The following WDFY3 variants were observed in gnomAD, a reference collection of about 807,000 sequenced individuals.
WDFY3 encodes the protein WD repeat and FYVE domain-containing protein 3.
Under a neutral mutation model 409.6 loss-of-function variants are expected in WDFY3, and 66 were observed. That is an observed-to-expected ratio of 0.16 (90% CI 0.13 to 0.20). The LOEUF (loss-of-function observed/expected upper bound fraction) is 0.20. Ranked by LOEUF, WDFY3 falls within the 10% of genes least tolerant of loss-of-function variation. WDFY3 has a pLI of 1.00. For synonymous variants in WDFY3, 1,521 were observed against 1,537.1 expected (o/e 0.99, Z 0.25); for missense variants, 3,031 against 4,298.1 (o/e 0.71, Z 8.24).
At position 84,708,960 on chromosome 4, in the gene WDFY3, A is replaced by G. The variant is rs1460442359; in HGVS notation, c.8166T>C (p.Asp2722=). The G allele has an allele frequency of 3.1e-6, 5 of 1,614,022 alleles. No homozygotes were observed. Among genetic ancestry groups the G allele is most frequent in the Non-Finnish European group, 4.2e-6 (5 of 1,179,990 alleles). ...AGGGGAAGACAGGATACTGCATGAG[A>G]TCATTATATGATCTGCCAGCCAAAG... ...LNTLAGRSYN[D]LMQYPVFPWI... The change falls in exon 53 of 68, where the codon GAT becomes GAC. Residue 2722 remains aspartate (D), a synonymous_variant. Coordinates refer to ENST00000295888, the MANE Select transcript of WDFY3 (RefSeq NM_014991.6).
chr4:84,765,787 A>G (rs1384883290), intron 32 of WDFY3, 23 bp downstream of exon 32: 3 of 1,601,424 alleles, frequency 1.9e-6, no homozygotes, highest in Non-Finnish European at 2.6e-6. Flanking sequence ...ATTTTCAAGC[A>G]GCTGACTAGA....
At chr4:84,841,362 A>T in intron 5 of WDFY3, 99 bp from the exon 6 acceptor site, 1 of 954,220 alleles carries the variant, frequency 1.0e-6, no homozygotes, top group Non-Finnish European at 1.6e-6. Context: ...TACTAAGCAC[A>T]TAATTATATC....
At chr4:84,714,958 A>G (rs1034835933) in intron 50 of WDFY3, among the ~76,000 whole-genome samples, 2 of 151,956 alleles carry the variant, frequency 1.3e-5, no homozygotes, top group Admixed American at 6.6e-5. Flanking sequence ...TCAAAAAAAA[A>G]AAAAAAGAAG....
intron 3 of WDFY3, among the ~76,000 whole-genome samples, chr4:84,882,593 A>G (rs1763684124): frequency 6.6e-6 from 1 of 152,186 alleles, no homozygotes; most frequent in Non-Finnish European, 1.5e-5. Flanking sequence ...AGATTAGGAA[A>G]CTTATGAAAT....
chr4:84,924,260 G>C (rs1769687178), intron 2 of WDFY3, among the ~76,000 whole-genome samples: 1 of 152,144 alleles, frequency 6.6e-6, no homozygotes, highest in South Asian at 2.1e-4. Context: ...ATATTTCTTA[G>C]GATACTATCA....
intron 7 of WDFY3, among the ~76,000 whole-genome samples, chr4:84,834,280 T>C (rs532824356): frequency 2.6e-5 from 4 of 152,380 alleles, no homozygotes; most frequent in Admixed American, 2.0e-4. Flanking sequence ...TTCATCTTTA[T>C]AGGCAGAAGG....
At chr4:84,698,661 C>T (rs1045895173) in intron 56 of WDFY3, among the ~76,000 whole-genome samples, 1 of 151,402 alleles carries the variant, frequency 6.6e-6, no homozygotes, top group Non-Finnish European at 1.5e-5. Context: ...TATCTCATAG[C>T]AAGGGGAAAA....
chr4:84,698,607 A>G (rs903170612), intron 56 of WDFY3, among the ~76,000 whole-genome samples: 3 of 152,144 alleles, frequency 2.0e-5, no homozygotes, highest in Non-Finnish European at 2.9e-5. Flanking sequence ...CTCCATGTGT[A>G]TCCAAGGATG....
chr4:84,834,395 C>A (rs1467347672), intron 7 of WDFY3, among the ~76,000 whole-genome samples: 1 of 152,032 alleles, frequency 6.6e-6, no homozygotes, highest in Non-Finnish European at 1.5e-5. Flanking sequence ...GCCTGTAATC[C>A]CAGCACTTTG....
At chr4:84,684,256 G>A in intron 62 of WDFY3, 131 bp from the exon 63 acceptor site, 1 of 803,176 alleles carries the variant, frequency 1.2e-6, no homozygotes, top group Non-Finnish European at 1.8e-6. Context: ...TAATTTCTTA[G>A]GTAACCTGAA....
At chr4:84,889,698 AT>A (rs1004347942) in intron 3 of WDFY3, among the ~76,000 whole-genome samples, 31 of 152,100 alleles carry the variant, frequency 2.0e-4, no homozygotes, top group Non-Finnish European at 3.8e-4. Flanking sequence ...CCTAAGCTAC[AT>A]TTTCCTTAAT....
chr4:84,756,755 A>T (rs1741536042), intron 33 of WDFY3, among the ~76,000 whole-genome samples, 171 bp downstream of exon 33: 1 of 152,052 alleles, frequency 6.6e-6, no homozygotes, highest in Admixed American at 6.6e-5. Context: ...GGGACAAAGG[A>T]CTTTTTGGGA....
intron 25 of WDFY3, among the ~76,000 whole-genome samples, chr4:84,782,515 G>C (rs1372835093): frequency 6.6e-6 from 1 of 152,124 alleles, no homozygotes; most frequent in Non-Finnish European, 1.5e-5. Flanking sequence ...TTAGGTATTT[G>C]TACTGATGCT....
chr4:84,689,726 T>C (rs937757601), intron 61 of WDFY3, among the ~76,000 whole-genome samples: 1 of 152,206 alleles, frequency 6.6e-6, no homozygotes, highest in East Asian at 1.9e-4. Context: ...AACCTGTGTC[T>C]TTTTCAGGGG....
intron 1 of WDFY3, among the ~76,000 whole-genome samples, chr4:84,965,406 T>G (rs1445649585): frequency 6.6e-6 from 1 of 152,206 alleles, no homozygotes. Flanking sequence ...GGTTCACATA[T>G]GCAGTAAATA....
At chr4:84,813,210 T>C (rs1752780596) in intron 13 of WDFY3, among the ~76,000 whole-genome samples, 1 of 152,094 alleles carries the variant, frequency 6.6e-6, no homozygotes, top group South Asian at 2.1e-4. Flanking sequence ...GAAGTAAAAA[T>C]GGAAATTGAA....
At chr4:84,742,870 C>T (rs752337718) in intron 37 of WDFY3, among the ~76,000 whole-genome samples, 19 of 152,152 alleles carry the variant, frequency 1.2e-4, no homozygotes, top group Non-Finnish European at 2.6e-4. Flanking sequence ...CACAGAAATT[C>T]TGGAGGTGCC....
At chr4:84,713,114 CA>C in intron 51 of WDFY3, 44 bp downstream of exon 51, 2 of 1,589,680 alleles carry the variant, frequency 1.3e-6, no homozygotes, top group South Asian at 2.2e-5. Flanking sequence ...TGAATCATCC[CA>C]ACTTCACTAT....
At chr4:84,878,897 C>A (rs988590562) in intron 3 of WDFY3, among the ~76,000 whole-genome samples, 1 of 152,172 alleles carries the variant, frequency 6.6e-6, no homozygotes, top group Admixed American at 6.5e-5. Flanking sequence ...TGCATCCCCA[C>A]CTGTAATAGC....
Sources: gnomAD v4.1 joint callset for allele counts (sites outside exome capture counted in the v4.1 genomes callset) on GRCh38, gnomAD v4.1.1 for gene constraint, MANE v1.5 for transcripts, NCBI Gene and HGNC (gene_info 2026-07-23, HGNC 2026-07-21) for gene names.